The following SRRM3 variants were observed in gnomAD, a reference collection of about 807,000 sequenced individuals.
SRRM3 encodes serine/arginine repetitive matrix 3, also known as serine/arginine repetitive matrix protein 3.
In SRRM3, 27 loss-of-function variants were observed where a neutral mutation model predicts 66.2. That is an observed-to-expected ratio of 0.41 (90% CI 0.30 to 0.56). The LOEUF (loss-of-function observed/expected upper bound fraction) is 0.56, where lower values mean the gene tolerates loss of function less well. SRRM3 is among the 20% of genes least tolerant of loss of function. The pLI, the probability that SRRM3 is intolerant of heterozygous loss-of-function variation, is 0.32. For synonymous variants in SRRM3, 391 were observed against 414.9 expected, an observed-to-expected ratio of 0.94 and a Z score of 0.70; for missense variants, 918 against 991.9, an observed-to-expected ratio of 0.93 and a Z score of 1.00.
At position 76,235,230 on chromosome 7, in the gene SRRM3, T is replaced by C; in HGVS notation, c.164T>C (p.Leu55Pro). The C allele has an allele frequency of 6.4e-7, 1 of 1,555,578 alleles. No homozygotes were observed. Among genetic ancestry groups the C allele is most frequent in the Non-Finnish European group, 8.6e-7 (1 of 1,159,312 alleles). The change falls in exon 2 of 15, where the codon CTG becomes CCG. Residue 55 changes from leucine to proline, a missense_variant. Physicochemically the swap from Leu to Pro is moderately conservative, Grantham distance 98. Coordinates refer to ENST00000611745, the MANE Select transcript of SRRM3 (RefSeq NM_001110199.3). ...GTGAAGCGCGCGCACCGCGAGATCCTGGACCACGAGCGCAAGCGGCGGGTG... is the reference window on the plus strand; with the variant it reads ...GTGAAGCGCGCGCACCGCGAGATCCCGGACCACGAGCGCAAGCGGCGGGTG... ...GLVKRAHREI[L>P]DHERKRRVEL...
chr7:76,268,393 T>TG (rs1436542901), intron 11 of SRRM3: 2 of 4,700 alleles, frequency 4.3e-4, no homozygotes, highest in East Asian at 8.5e-3. Flanking sequence ...CTGGGGTGGG[T>TG]GGGGGGGTGG....
intron 2 of SRRM3, 133 bp downstream of exon 2, chr7:76,235,432 G>A: frequency 1.2e-6 from 1 of 822,638 alleles, no homozygotes; most frequent in Non-Finnish European, 1.8e-6. Flanking sequence ...CTATTAGGGC[G>A]GAGTCGGGCG....
chr7:76,281,266 C>G (rs1439923356), intron 11 of SRRM3, among the ~76,000 whole-genome samples, 175 bp from the exon 12 acceptor site: 1 of 151,334 alleles, frequency 6.6e-6, no homozygotes, highest in Non-Finnish European at 1.5e-5. Flanking sequence ...CTCTCTGTCT[C>G]TCTCTCTCTC....
At position 76,229,899 on chromosome 7, in the gene SRRM3, A is replaced by G. The variant is rs564795597; in HGVS notation, c.-39-5129A>G. Among the ~76,000 whole-genome samples, 3 of 152,026 alleles carry G rather than the reference A, an allele frequency of 2.0e-5. No individual in the cohort carries two copies. In the East Asian group the frequency reaches 5.8e-4, roughly 29 times the overall value. On this transcript the variant is annotated intron_variant, in intron 1 of 14. Transcript: ENST00000611745. ...GCTTAGATTGCAGGCATGCACCACC[A>G]TGACTGGCTAATTTTTGTACTTTTA...
chr7:76,266,358 G>A (rs1361129175), intron 10 of SRRM3, among the ~76,000 whole-genome samples: 4 of 106,928 alleles, frequency 3.7e-5, no homozygotes, highest in Non-Finnish European at 6.8e-5. Context: ...AAATATTAAT[G>A]TATATTTTCA....
chr7:76,255,144 C>CT (rs1309988503), intron 3 of SRRM3, among the ~76,000 whole-genome samples: 4 of 70,310 alleles, frequency 5.7e-5, no homozygotes, highest in African/African-American at 1.1e-4. Context: ...TTCTTTCTTT[C>CT]TTTCTTTTTT....
At chr7:76,209,604 ATTTT>A (rs11290590) in intron 1 of SRRM3, among the ~76,000 whole-genome samples, 10 of 136,784 alleles carry the variant, frequency 7.3e-5, no homozygotes, top group Admixed American at 1.5e-4. Context: ...AAGAGTTGGA[ATTTT>A]TTTTTTTTTT....
chr7:76,254,091 T>C (rs1287350750), intron 3 of SRRM3, among the ~76,000 whole-genome samples: 4 of 151,908 alleles, frequency 2.6e-5, no homozygotes, highest in African/African-American at 9.7e-5. Context: ...TCACAGCTCA[T>C]TGCTGCCTTG....
At chr7:76,224,371 C>T (rs181453218) in intron 1 of SRRM3, among the ~76,000 whole-genome samples, 11 of 151,552 alleles carry the variant, frequency 7.3e-5, no homozygotes, top group East Asian at 6.0e-4. Context: ...TGAGCCACCG[C>T]GCCCGGCCAA....
intron 1 of SRRM3, among the ~76,000 whole-genome samples, chr7:76,229,140 C>T (rs1235671051): frequency 6.6e-6 from 1 of 151,910 alleles, no homozygotes; most frequent in Non-Finnish European, 1.5e-5. Flanking sequence ...CCTCGTGATC[C>T]ACCTGCCTTG....
chr7:76,221,208 C>G (rs1455575291), intron 1 of SRRM3, among the ~76,000 whole-genome samples: 1 of 151,970 alleles, frequency 6.6e-6, no homozygotes, highest in Non-Finnish European at 1.5e-5. Flanking sequence ...CAGGTGCCCG[C>G]CACCACACCC....
chr7:76,259,921 G>A lies in SRRM3; in HGVS notation c.351G>A (p.Pro117=). ...RPGGHIVAET[P]RLTEGAEPGL... is the part of the protein sequence containing the mutation. ...TCGCCGGCAGTGTGGCGGAGACCCCGCGGCTGACCGAGGGCGCTGAGCCGG... is the reference window on the plus strand; with the variant it reads ...TCGCCGGCAGTGTGGCGGAGACCCCACGGCTGACCGAGGGCGCTGAGCCGG... The change falls in exon 4 of 15, where the codon CCG becomes CCA. Residue 117 remains proline, a synonymous_variant. Coordinates refer to ENST00000611745, the MANE Select transcript of SRRM3 (RefSeq NM_001110199.3). The A allele has an allele frequency of 6.2e-7, 1 of 1,601,774 alleles. No homozygotes were observed. Among genetic ancestry groups the A allele is most frequent in the Non-Finnish European group, 8.5e-7 (1 of 1,179,550 alleles).
At chr7:76,261,307 A>ACCCCCCCC in intron 6 of SRRM3, 45 bp from the exon 7 acceptor site, 1 of 111,468 alleles carries the variant, frequency 9.0e-6, no homozygotes. Context: ...CCAGCCCCCC[A>ACCCCCCCC]CCCCCCACCC....
At chr7:76,255,762 A>T (rs1801697671) in intron 3 of SRRM3, among the ~76,000 whole-genome samples, 2 of 152,150 alleles carry the variant, frequency 1.3e-5, no homozygotes, top group South Asian at 4.1e-4. Context: ...TACATTTTTT[A>T]AAATACAAAA....
rs1301831701 is a variant in SRRM3, at chr7:76,260,344, C to T, written c.545+147C>T. 1.5e-5 allele frequency: 9 copies of T among 595,466 alleles called. No homozygotes were observed. The East Asian group carries it at 3.2e-4, about 21-fold the overall frequency. 36.9% of individuals were successfully genotyped at this position (595,466 alleles called of 1,614,324 possible). ...TCGCCCTCCCCGTGCCGTCCCCCGACTAGGTGCCCTCCGGGTAACTGAACC... is the reference window on the plus strand; with the variant it reads ...TCGCCCTCCCCGTGCCGTCCCCCGATTAGGTGCCCTCCGGGTAACTGAACC... On this transcript the variant is annotated intron_variant, in intron 5 of 14. Transcript: ENST00000611745.
chr7:76,238,498 T>C (rs920385862), intron 2 of SRRM3, among the ~76,000 whole-genome samples: 1 of 152,134 alleles, frequency 6.6e-6, no homozygotes, highest in Non-Finnish European at 1.5e-5. Flanking sequence ...CCACTGGTGA[T>C]TGATGGCGTA....
At chr7:76,272,593 A>C (rs184626015) in intron 11 of SRRM3, among the ~76,000 whole-genome samples, 15 of 152,204 alleles carry the variant, frequency 9.9e-5, no homozygotes, top group East Asian at 5.8e-4. Context: ...CAGAGGTTGC[A>C]GTAAGTTGAG....
chr7:76,229,065 A>G (rs539938328), intron 1 of SRRM3, among the ~76,000 whole-genome samples: 16 of 151,938 alleles, frequency 1.1e-4, no homozygotes, highest in African/African-American at 3.6e-4. Flanking sequence ...CACCCGGCTA[A>G]TTTTTTGTAT....
intron 3 of SRRM3, among the ~76,000 whole-genome samples, chr7:76,253,100 G>T (rs1801621576): frequency 6.6e-6 from 1 of 152,090 alleles, no homozygotes; most frequent in African/African-American, 2.4e-5. Flanking sequence ...GGAGGTGGAA[G>T]TTGTTGCAGT....
Sources: allele counts gnomAD v4.1 joint callset (sites outside exome capture counted in the v4.1 genomes callset), GRCh38; gene constraint gnomAD v4.1.1; transcripts MANE v1.5; gene names NCBI Gene and HGNC (gene_info 2026-07-23, HGNC 2026-07-21).